TMEM63C: variants seen among roughly 807,000 people sequenced by gnomAD.
The protein encoded by TMEM63C is transmembrane protein 63C, also known as osmosensitive cation channel TMEM63C.
A neutral mutation model predicts 99.2 loss-of-function variants in TMEM63C; 32 were observed. The observed-to-expected ratio is 0.32, with a 90% CI of 0.24 to 0.43. TMEM63C has a LOEUF of 0.43. Ranked by LOEUF, TMEM63C falls within the 20% of genes least tolerant of loss-of-function variation. TMEM63C has a pLI of 1.00. For synonymous variants in TMEM63C, 376 were observed against 397.9 expected (o/e 0.94, Z 0.66); for missense variants, 826 against 1,053.0 (o/e 0.78, Z 2.98).
intron 1 of TMEM63C, among the ~76,000 whole-genome samples, chr14:77,187,099 A>G (rs907917783): frequency 1.3e-5 from 2 of 152,178 alleles, no homozygotes; most frequent in Non-Finnish European, 2.9e-5. Flanking sequence ...CACCCGCTCA[A>G]TAGGTAAGAA....
At chr14:77,214,417 C>T (rs1031293805) in intron 2 of TMEM63C, among the ~76,000 whole-genome samples, 2 of 152,074 alleles carry the variant, frequency 1.3e-5, no homozygotes, top group Non-Finnish European at 2.9e-5. Flanking sequence ...TCTCCTCACC[C>T]TCCGACTGGG....
chr14:77,254,663 A>G (rs977087957), intron 23 of TMEM63C, among the ~76,000 whole-genome samples: 1 of 152,240 alleles, frequency 6.6e-6, no homozygotes, highest in Admixed American at 6.5e-5. Context: ...TATAGAGTCC[A>G]GGGCACCAAG....
chr14:77,216,769 C>T (rs1013928758), intron 2 of TMEM63C, among the ~76,000 whole-genome samples: 4 of 152,160 alleles, frequency 2.6e-5, no homozygotes, highest in South Asian at 2.1e-4. Flanking sequence ...ACCTCCACTG[C>T]GCCCATCCCA....
chr14:77,211,960 C>T (rs961140580), intron 1 of TMEM63C, among the ~76,000 whole-genome samples: 7 of 152,310 alleles, frequency 4.6e-5, no homozygotes, highest in African/African-American at 1.7e-4. Context: ...AGGACAGAAA[C>T]AACCACCACC....
intron 1 of TMEM63C, among the ~76,000 whole-genome samples, chr14:77,200,612 G>T (rs1036513162): frequency 6.6e-6 from 1 of 152,228 alleles, no homozygotes; most frequent in Non-Finnish European, 1.5e-5. Flanking sequence ...CCCAGAAATA[G>T]GCTTCAACCT....
Position 77,253,298 on chromosome 14 carries a change from G to A in TMEM63C, c.2149-7G>A, listed in dbSNP as rs561308924. ...CTCCTGTAACCCACCACCTCTCCCT[G>A]CTGCAGCCCGAGGAGGAGGAGATCC... is the stretch of plus-strand genomic sequence containing the variant. On this transcript the variant is annotated splice_region_variant and splice_polypyrimidine_tract_variant and intron_variant, in intron 22 of 23. Transcript: ENST00000298351. The A allele has an allele frequency of 6.2e-7, 1 of 1,612,188 alleles. No homozygotes were observed. The highest frequency in any genetic ancestry group is 8.5e-7 in the Non-Finnish European group (1 of 1,179,338).
intron 22 of TMEM63C, among the ~76,000 whole-genome samples, chr14:77,252,427 G>A (rs1478439429): frequency 6.6e-6 from 1 of 152,158 alleles, no homozygotes; most frequent in Non-Finnish European, 1.5e-5. Context: ...ATTAGGAGAG[G>A]GGAGCCAATC....
At chr14:77,229,370 G>A (rs1041905276) in intron 6 of TMEM63C, among the ~76,000 whole-genome samples, 16 of 151,960 alleles carry the variant, frequency 1.1e-4, no homozygotes, top group Admixed American at 9.2e-4. Context: ...CACTCCAGCC[G>A]GAGCTATAGA....
In TMEM63C at chr14:77,236,878, C is replaced by A. The variant is rs1038004409; in HGVS notation, c.651+146C>A. The A allele has an allele frequency of 6.3e-6, 4 of 634,522 alleles. No individual in the cohort carries two copies. In the Admixed American group the frequency reaches 7.4e-5, roughly 12 times the overall value. 39.3% of individuals were successfully genotyped at this position (634,522 alleles called of 1,614,324 possible). On this transcript the variant is annotated intron_variant, in intron 9 of 23. Transcript: ENST00000298351. ...GGGGGCGGTTTCACCTGAGCAGGGG[C>A]CAAGCTTCCTCCCTTCAGTCCTAGT...
chr14:77,210,024 A>T (rs1010441924), intron 1 of TMEM63C, among the ~76,000 whole-genome samples: 5 of 152,116 alleles, frequency 3.3e-5, no homozygotes, highest in Admixed American at 3.3e-4. Context: ...GACATGGTTT[A>T]AGAGGCACTG....
intron 1 of TMEM63C, among the ~76,000 whole-genome samples, chr14:77,207,601 G>T (rs981545209): frequency 1.8e-4 from 27 of 152,360 alleles, no homozygotes; most frequent in Admixed American, 3.9e-4. Context: ...CTCTCCAGCT[G>T]TGTAACTTTA....
chr14:77,218,157 C>T (rs902856211), intron 2 of TMEM63C, among the ~76,000 whole-genome samples: 2 of 150,414 alleles, frequency 1.3e-5, no homozygotes, highest in African/African-American at 4.9e-5. Context: ...GTGCTTATAT[C>T]TCATTGCATG....
chr14:77,239,491 A>G lies in TMEM63C; in HGVS notation c.805A>G (p.Arg269Gly). 1 of 1,613,258 alleles carries G rather than the reference A, an allele frequency of 6.2e-7. No homozygotes were observed. Among genetic ancestry groups the G allele is most frequent in the Non-Finnish European group, 8.5e-7 (1 of 1,179,746 alleles). Residue 269 changes from arginine to glycine, a missense_variant and splice_region_variant, in exon 11 of 24, where the codon AGG becomes GGG. Transcript: ENST00000298351. ...VRNLIDLDDQ[R>G]RHAMRGRLFY... ...GAACCTGATCGACTTGGACGATCAG[A>G]GGTGAGGCTGCAGCGGGGCCTTTTG...
At chr14:77,230,909 C>A (rs1174005907) in intron 6 of TMEM63C, among the ~76,000 whole-genome samples, 1 of 152,206 alleles carries the variant, frequency 6.6e-6, no homozygotes, top group Non-Finnish European at 1.5e-5. Flanking sequence ...ACAAGTAATG[C>A]ATCTGTGAAA....
chr14:77,244,555 TA>T, intron 16 of TMEM63C, 100 bp downstream of exon 16: 2 of 873,626 alleles, frequency 2.3e-6, no homozygotes, highest in Non-Finnish European at 3.7e-6. Flanking sequence ...CCCTCTAGCC[TA>T]AGAAGGAGAA....
intron 5 of TMEM63C, among the ~76,000 whole-genome samples, chr14:77,221,838 G>A (rs1888729423): frequency 6.6e-6 from 1 of 151,380 alleles, no homozygotes; most frequent in Non-Finnish European, 1.5e-5. Context: ...TGAAACGTCT[G>A]ACCCTGTAGA....
At chr14:77,206,394 G>A (rs1888402465) in intron 1 of TMEM63C, among the ~76,000 whole-genome samples, 1 of 152,206 alleles carries the variant, frequency 6.6e-6, no homozygotes, top group South Asian at 2.1e-4. Flanking sequence ...ACTGACCTGG[G>A]GTGGAGCAGG....
chr14:77,250,544 A>G (rs76237282), intron 21 of TMEM63C, among the ~76,000 whole-genome samples: 36,535 of 149,272 alleles, frequency 0.24, 6,266 homozygotes, highest in African/African-American at 0.49. Context: ...GGTTAAAGCT[A>G]TTCTCCTGCC....
intron 2 of TMEM63C, among the ~76,000 whole-genome samples, chr14:77,214,556 C>T (rs926729221): frequency 2.0e-5 from 3 of 151,978 alleles, no homozygotes; most frequent in Admixed American, 2.0e-4. Context: ...ACTCTTCCTC[C>T]CTGCTTTCTA....
Sources: allele counts gnomAD v4.1 joint callset (sites outside exome capture counted in the v4.1 genomes callset), GRCh38; gene constraint gnomAD v4.1.1; transcripts MANE v1.5; gene names NCBI Gene and HGNC (gene_info 2026-07-23, HGNC 2026-07-21).